The following HGSNAT variants were observed in gnomAD, a reference collection of about 807,000 sequenced individuals.
HGSNAT encodes heparan-alpha-glucosaminide N-acetyltransferase.
HGSNAT carries 59 observed loss-of-function variants against 85.2 expected under a neutral mutation model. The observed-to-expected ratio is 0.69, with a 90% CI of 0.56 to 0.86. The LOEUF (loss-of-function observed/expected upper bound fraction) is 0.86. Ranked by LOEUF, HGSNAT falls within the 40% of genes least tolerant of loss-of-function variation. The pLI, the probability that HGSNAT is intolerant of heterozygous loss-of-function variation, is 0.00. For synonymous variants in HGSNAT, 321 were observed against 304.5 expected (o/e 1.05, Z -0.56); for missense variants, 756 against 777.1 (o/e 0.97, Z 0.32).
intron 2 of HGSNAT, among the ~76,000 whole-genome samples, chr8:43,147,455 C>G (rs1367332160): frequency 6.6e-6 from 1 of 152,166 alleles, no homozygotes; most frequent in African/African-American, 2.4e-5. Context: ...CCCTGCCTCC[C>G]TGATGATAAC....
intron 4 of HGSNAT, among the ~76,000 whole-genome samples, chr8:43,160,765 A>T (rs990824706): frequency 1.3e-5 from 2 of 152,124 alleles, no homozygotes; most frequent in Admixed American, 6.6e-5. Context: ...CCGGTGCTGG[A>T]TTTGAGGTAG....
chr8:43,162,721 G>A (rs971158787), intron 5 of HGSNAT, among the ~76,000 whole-genome samples: 5 of 143,024 alleles, frequency 3.5e-5, no homozygotes, highest in African/African-American at 1.0e-4. Context: ...CTGGCTAATG[G>A]TTTTTTTTTT....
rs1563388644 is a variant in HGSNAT, at chr8:43,200,047, T to C, written c.*478T>C. ...TTGTGATGTGTTATAATTTAGTCTG[T>C]TTTTTTGATTGAATGCAGTTTAATG... On this transcript the variant is annotated 3_prime_UTR_variant, in exon 18 of 18. Coordinates refer to ENST00000379644, the MANE Select transcript of HGSNAT (RefSeq NM_152419.3). 1 of 152,408 alleles carries C rather than the reference T, an allele frequency of 6.6e-6. No homozygotes were observed. Among genetic ancestry groups the C allele is most frequent in the Non-Finnish European group, 1.5e-5 (1 of 68,202 alleles). The allele number at this position is 152,408 out of a possible 1,614,324, so 9.4% of individuals were successfully genotyped here. A position where few individuals can be genotyped will look rare whatever the true frequency, so the allele number is the denominator to read the frequency against.
chr8:43,194,321 C>A, intron 14 of HGSNAT: 2 of 871,456 alleles, frequency 2.3e-6, no homozygotes, highest in Non-Finnish European at 2.8e-6. Context: ...TGGCTTGAAC[C>A]AAGGAGGTTG....
At chr8:43,155,460 CT>C (rs896866834) in intron 2 of HGSNAT, among the ~76,000 whole-genome samples, 131 of 151,760 alleles carry the variant, frequency 8.6e-4, no homozygotes, top group African/African-American at 3.0e-3. Context: ...AAAAATGAGC[CT>C]TTTTTTTGCT....
chr8:43,166,631 A>G (rs1477975692), intron 5 of HGSNAT, among the ~76,000 whole-genome samples: 1 of 152,218 alleles, frequency 6.6e-6, no homozygotes, highest in Non-Finnish European at 1.5e-5. Flanking sequence ...TTGACAATGC[A>G]GCAAGTCACC....
rs1804883345 is a variant in HGSNAT, at chr8:43,200,506, A to T, written c.*937A>T. 1.3e-5 allele frequency: 2 copies of T among 152,248 alleles called. No homozygotes were observed. The highest frequency in any genetic ancestry group is 2.1e-4 in the South Asian group (1 of 4,836). 9.4% of individuals were successfully genotyped at this position (152,248 alleles called of 1,614,324 possible). A position where few individuals can be genotyped will look rare whatever the true frequency, so the allele number is the denominator to read the frequency against. On this transcript the variant is annotated 3_prime_UTR_variant, in exon 18 of 18. Coordinates refer to ENST00000379644, the MANE Select transcript of HGSNAT (RefSeq NM_152419.3). ...TGAAATCTTCAGAAGAAATAGTTCC[A>T]TTACAGAAAACTCTTCAAAATAAAT...
rs1195439063 is a variant in HGSNAT at position 43,178,029 on chromosome 8, A to AT, written c.852-45_852-44insT. 9.1e-6 allele frequency: 14 copies of AT among 1,544,792 alleles called. No homozygotes were observed. In the Admixed American group the frequency reaches 2.3e-4, roughly 26 times the overall value. ...ATAAAATGTTACTGATATATAGACA[A>AT]AAAATTTGGAAATGGCCACCTATTA... On this transcript the variant is annotated intron_variant, in intron 9 of 17. Coordinates refer to ENST00000379644, the MANE Select transcript of HGSNAT (RefSeq NM_152419.3).
rs1433974163 is a variant in HGSNAT at position 43,200,981 on chromosome 8, C to T, written c.*1412C>T. The T allele has an allele frequency of 6.6e-6, 1 of 152,510 alleles. No individual in the cohort carries two copies. The highest frequency in any genetic ancestry group is 1.5e-5 in the Non-Finnish European group (1 of 68,258). The allele number at this position is 152,510 out of a possible 1,614,324, so 9.4% of individuals were successfully genotyped here. On this transcript the variant is annotated 3_prime_UTR_variant, in exon 18 of 18. Coordinates refer to ENST00000379644, the MANE Select transcript of HGSNAT (RefSeq NM_152419.3). ...TCTCCTCAAATTCTAAGTGTTTTCT[C>T]TTTAGGTTTCCCTGGCTTTGTGAAT... is the stretch of plus-strand genomic sequence containing the variant.
chr8:43,170,683 C>A lies in HGSNAT; in HGVS notation c.732C>A (p.Asp244Glu). 6.2e-7 allele frequency: 1 copy of A among 1,600,402 alleles called. No homozygotes were observed. ...TGCCGCCCCGCCTCCGCAGCGTGGA[C>A]ACCTTCAGGGGGTATGTGGGCCTCC... is the stretch of plus-strand genomic sequence containing the variant. ...SALPPRLRSVDTFRGIALILM... is the reference protein window; with the variant it reads ...SALPPRLRSVETFRGIALILM... Residue 244 changes from aspartate (D) to glutamate (E), a missense_variant, in exon 7 of 18, where the codon GAC becomes GAA. Asp to Glu is a conservative substitution (Grantham distance 45). Coordinates refer to ENST00000379644, the MANE Select transcript of HGSNAT (RefSeq NM_152419.3).
chr8:43,176,319 G>A (rs957491333), intron 9 of HGSNAT, among the ~76,000 whole-genome samples: 2 of 152,132 alleles, frequency 1.3e-5, no homozygotes, highest in Admixed American at 1.3e-4. Flanking sequence ...TTTCTCCAAT[G>A]TGTGTTCTTG....
In HGSNAT at chr8:43,199,876, TG is replaced by T; in HGVS notation, c.*310del. Reference sequence around the variant, plus strand: ...TTAACTTTCCAAAAGGGAATTGCCATGGGTGTTTTTCTTCTGTGGTGAGTGA... The same window carrying T: ...TTAACTTTCCAAAAGGGAATTGCCATGGTGTTTTTCTTCTGTGGTGAGTGA... On this transcript the variant is annotated 3_prime_UTR_variant, in exon 18 of 18. Transcript: ENST00000379644. The T allele has an allele frequency of 5.1e-6, 1 of 197,252 alleles. No homozygotes were observed. Among genetic ancestry groups the T allele is most frequent in the Non-Finnish European group, 1.0e-5 (1 of 97,872 alleles). The allele number at this position is 197,252 out of a possible 1,614,324, so 12.2% of individuals were successfully genotyped here.
Position 43,158,683 on chromosome 8 carries a change from G to A in HGSNAT, c.343G>A (p.Asp115Asn), listed in dbSNP as rs1183604779. The A allele has an allele frequency of 1.9e-6, 3 of 1,610,576 alleles. No individual in the cohort carries two copies. Among genetic ancestry groups the A allele is most frequent in the East Asian group, 2.2e-5 (1 of 44,826 alleles). ...TQHGSILQLN[D>N]TLEEKEVCRL... ...GCACGGATCTATCCTGCAGCTGAAC[G>A]ACACCTTGGAAGAGAAAGAAGTTTG... The change falls in exon 3 of 18, where the codon GAC (aspartate) becomes AAC (asparagine). Residue 115 changes from aspartate to asparagine, a missense_variant. Coordinates refer to ENST00000379644, the MANE Select transcript of HGSNAT (RefSeq NM_152419.3).
At chr8:43,153,329 A>T (rs1301837644) in intron 2 of HGSNAT, among the ~76,000 whole-genome samples, 1 of 152,146 alleles carries the variant, frequency 6.6e-6, no homozygotes, top group Non-Finnish European at 1.5e-5. Flanking sequence ...ACTAAAAAAA[A>T]TTTTAAAAGG....
chr8:43,185,039 G>T (rs1267659896), intron 11 of HGSNAT, among the ~76,000 whole-genome samples: 3 of 152,152 alleles, frequency 2.0e-5, no homozygotes, highest in African/African-American at 7.2e-5. Flanking sequence ...GGTTACTGTA[G>T]CCTTGTAGTA....
In HGSNAT at chr8:43,191,595, C is replaced by A; in HGVS notation, c.1250C>A (p.Thr417Asn). ...TFLLPVPGCP[T>N]GYLGPGGIGD... The stretch of plus-strand genomic sequence containing the variant: ...CTCCTGCCAGTCCCTGGGTGCCCTA[C>A]GTAAGCGAACCCCTGGGGGTCATCC... Residue 417 changes from threonine (T) to asparagine (N), a missense_variant and splice_region_variant, in exon 12 of 18, where the codon ACT (threonine) becomes AAT (asparagine). Physicochemically the swap from Thr to Asn is moderately conservative, Grantham distance 65. Transcript: ENST00000379644. The A allele has an allele frequency of 6.2e-7, 1 of 1,613,784 alleles. No individual in the cohort carries two copies. Among genetic ancestry groups the A allele is most frequent in the South Asian group, 1.1e-5 (1 of 91,076 alleles).
chr8:43,191,533 C>T lies in HGSNAT; in HGVS notation c.1188C>T (p.Ile396=). 1 of 1,614,008 alleles carries T rather than the reference C, an allele frequency of 6.2e-7. No individual in the cohort carries two copies. The highest frequency in any genetic ancestry group is 8.5e-7 in the Non-Finnish European group (1 of 1,179,890). Reference sequence around the variant, plus strand: ...CCAGCTGGCCCCAGTGGCTGCTCATCCTGGTGCTGGAAGGCCTGTGGCTGG... The same window carrying T: ...CCAGCTGGCCCCAGTGGCTGCTCATTCTGGTGCTGGAAGGCCTGTGGCTGG... ...ITSSWPQWLL[I]LVLEGLWLGL... The change falls in exon 12 of 18, where the codon ATC becomes ATT. Residue 396 remains isoleucine (I), a synonymous_variant. Transcript: ENST00000379644.
chr8:43,169,661 C>T (rs1803550048), intron 6 of HGSNAT, among the ~76,000 whole-genome samples: 2 of 152,152 alleles, frequency 1.3e-5, no homozygotes, highest in South Asian at 4.1e-4. Flanking sequence ...GGGATGTTGG[C>T]TTCTGTGCTT....
Position 43,192,338 on chromosome 8 carries a change from G to T in HGSNAT, c.1285G>T (p.Gly429Cys). 1 of 1,610,484 alleles carries T rather than the reference G, an allele frequency of 6.2e-7. No individual in the cohort carries two copies. Among genetic ancestry groups the T allele is most frequent in the Non-Finnish European group, 8.5e-7 (1 of 1,178,652 alleles). ...TGGTCCTGGGGGCATTGGAGATTTT[G>T]GCAAGTATCCAAATTGCACTGGAGG... Reference protein sequence around the residue: ...YLGPGGIGDFGKYPNCTGGAA... With the variant: ...YLGPGGIGDFCKYPNCTGGAA... The change falls in exon 13 of 18, where the codon GGC becomes TGC. Residue 429 changes from glycine (G) to cysteine (C), a missense_variant. Transcript: ENST00000379644.
Sources: gnomAD v4.1 joint callset for allele counts (sites outside exome capture counted in the v4.1 genomes callset) on GRCh38, gnomAD v4.1.1 for gene constraint, MANE v1.5 for transcripts, NCBI Gene and HGNC (gene_info 2026-07-23, HGNC 2026-07-21) for gene names.